TENM1: variants seen among roughly 807,000 people sequenced by gnomAD.
TENM1 encodes teneurin transmembrane protein 1.
TENM1 carries 35 observed loss-of-function variants against 174.8 expected under a neutral mutation model. That is an observed-to-expected ratio of 0.20 (90% CI 0.15 to 0.27). The LOEUF (loss-of-function observed/expected upper bound fraction) is 0.27. TENM1 is among the 10% of genes least tolerant of loss of function. TENM1 has a pLI of 1.00. For missense variants in TENM1, 1,633 were observed against 2,130.1 expected (o/e 0.77, Z 4.59); for synonymous variants, 781 against 798.7 (o/e 0.98, Z 0.37).
chrX:124,641,718 A>G, intron 11 of TENM1, 73 bp downstream of exon 14: 1 of 1,017,711 alleles, frequency 9.8e-7, no homozygotes, highest in Non-Finnish European at 1.4e-6. Flanking sequence ...ATATTTTAAG[A>G]AACACTGCCT....
At chrX:124,499,671 A>T (rs1292596589) in intron 19 of TENM1, among the ~76,000 whole-genome samples, 2 of 112,112 alleles carry the variant, frequency 1.8e-5, no homozygotes, top group Non-Finnish European at 3.8e-5. Context: ...ATTTAATTGC[A>T]GTGTGGTCAA....
chrX:124,393,662 T>A (rs1159953168), intron 27 of TENM1, among the ~76,000 whole-genome samples: 1 of 111,982 alleles, frequency 8.9e-6, no homozygotes, highest in Admixed American at 9.5e-5. Flanking sequence ...ATAGTCTGAC[T>A]CACAAGAAGT....
chrX:124,565,266 TC>T (rs2048915943), intron 12 of TENM1, 108 bp downstream of exon 15: 1 of 520,590 alleles, frequency 1.9e-6, no homozygotes, highest in Non-Finnish European at 2.9e-6. Context: ...CTCCTTCTCC[TC>T]CCCTACTCCA....
At position 124,512,509 on chromosome X, in the gene TENM1, C is replaced by G. The variant is rs1366052897; in HGVS notation, c.3301+8008G>C. 2.7e-5 allele frequency among the ~76,000 whole-genome samples: 3 copies of G among 111,096 alleles called. No homozygotes were observed. In the East Asian group the frequency reaches 8.5e-4, roughly 32 times the overall value. On this transcript the variant is annotated intron_variant, in intron 18 of 31. Transcript: ENST00000422452. Reference sequence around the variant, plus strand: ...TGACTGTGACTTTTGTACTGGAACCCTGGGGATGATTTTACTCTTCTTCCA... The same window carrying G: ...TGACTGTGACTTTTGTACTGGAACCGTGGGGATGATTTTACTCTTCTTCCA...
At position 124,598,930 on chromosome X, in the gene TENM1, G is replaced by A. The variant is rs2049968086; in HGVS notation, c.2078-33370C>T. 2.7e-5 allele frequency among the ~76,000 whole-genome samples: 3 copies of A among 112,030 alleles called. No individual in the cohort carries two copies. The South Asian group carries it at 1.1e-3, about 42-fold the overall frequency. ...TAATTGGATTGTTTGTAACACAAAAGATAAATGCTTGAGATAATGGATACC... is the reference window on the plus strand; with the variant it reads ...TAATTGGATTGTTTGTAACACAAAAAATAAATGCTTGAGATAATGGATACC... On this transcript the variant is annotated intron_variant, in intron 11 of 31. Coordinates refer to ENST00000422452, the Ensembl canonical transcript of TENM1.
At chrX:125,037,274 GC>G in the TENM1 span, among the ~76,000 whole-genome samples, 2 of 110,085 alleles carry the variant, frequency 1.8e-5, no homozygotes, top group African/African-American at 3.3e-5. Flanking sequence ...TCTCATTGGT[GC>G]CCTCTATTTT....
intron 10 of TENM1, among the ~76,000 whole-genome samples, chrX:124,644,668 G>C (rs1031224072): frequency 2.7e-5 from 3 of 110,392 alleles, no homozygotes; most frequent in Admixed American, 9.8e-5. Context: ...TTCAGCATGA[G>C]GTATGTAAAA....
At chrX:124,880,738 A>G (rs1389916838) in intron 3 of TENM1, among the ~76,000 whole-genome samples, 1 of 111,370 alleles carries the variant, frequency 9.0e-6, no homozygotes, top group Non-Finnish European at 1.9e-5. Context: ...ATTTTTTATC[A>G]TGAGGGGAAT....
chrX:124,672,957 AT>A (rs1300032686), intron 5 of TENM1, among the ~76,000 whole-genome samples: 4 of 111,594 alleles, frequency 3.6e-5, no homozygotes, highest in African/African-American at 1.3e-4. Flanking sequence ...GAGAATTTTT[AT>A]TTTTTTTATG....
At chrX:124,787,280 T>G (rs887734516) in intron 3 of TENM1, among the ~76,000 whole-genome samples, 6 of 111,679 alleles carry the variant, frequency 5.4e-5, no homozygotes, top group Non-Finnish European at 1.1e-4. Context: ...TTAATAACAA[T>G]GTATCTCCAG....
At chrX:125,168,717 C>G in the TENM1 span, among the ~76,000 whole-genome samples, 1 of 110,800 alleles carries the variant, frequency 9.0e-6, no homozygotes, top group African/African-American at 3.3e-5. Flanking sequence ...AAGAAACAAA[C>G]TGCCATGAAT....
intron 22 of TENM1, among the ~76,000 whole-genome samples, chrX:124,456,506 A>T (rs183334219): frequency 1.5e-4 from 17 of 112,053 alleles, no homozygotes; most frequent in African/African-American, 5.5e-4. Flanking sequence ...AGGGGTATTT[A>T]ATTTTCACTG....
intron 6 of TENM1, among the ~76,000 whole-genome samples, chrX:124,658,742 A>G (rs1444603173): frequency 8.9e-6 from 1 of 112,209 alleles, no homozygotes; most frequent in African/African-American, 3.2e-5. Context: ...TTATGTCCAA[A>G]CACCAAAAGA....
intron 8 of TENM1, among the ~76,000 whole-genome samples, chrX:124,647,757 G>GTT (rs1262666072): frequency 2.0e-3 from 216 of 105,840 alleles, no homozygotes; most frequent in African/African-American, 6.7e-3. Context: ...GTGTGTGTTT[G>GTT]TGTGTGTGTG....
intron 23 of TENM1, among the ~76,000 whole-genome samples, chrX:124,451,821 G>A (rs985572473): frequency 1.8e-5 from 2 of 111,867 alleles, no homozygotes; most frequent in African/African-American, 6.5e-5. Context: ...CTAGCCATAT[G>A]GAGAAAGCTG....
chrX:124,630,046 G>A (rs7884675), intron 11 of TENM1, among the ~76,000 whole-genome samples: 13,939 of 111,616 alleles, frequency 0.12, 1,400 homozygotes, highest in African/African-American at 0.35. Context: ...GAACTAGGTG[G>A]CATCTAAAAT....
chrX:125,051,210 T>C, the TENM1 span, among the ~76,000 whole-genome samples: 1 of 111,525 alleles, frequency 9.0e-6, no homozygotes, highest in Non-Finnish European at 1.9e-5. Context: ...TACAAACAAA[T>C]GGAAGAACAT....
At chrX:124,440,917 T>A (rs929859762) in intron 23 of TENM1, among the ~76,000 whole-genome samples, 1 of 112,103 alleles carries the variant, frequency 8.9e-6, no homozygotes. Flanking sequence ...TCCTTCCACA[T>A]GCCTACCTAA....
At chrX:125,162,052 A>G in the TENM1 span, among the ~76,000 whole-genome samples, 1 of 112,090 alleles carries the variant, frequency 8.9e-6, no homozygotes, top group Non-Finnish European at 1.9e-5. Context: ...ATTTCTTAGC[A>G]CTTAAAAAGT....
Sources: gnomAD v4.1 joint callset for allele counts (sites outside exome capture counted in the v4.1 genomes callset) on GRCh38, gnomAD v4.1.1 for gene constraint, MANE v1.5 for transcripts, NCBI Gene and HGNC (gene_info 2026-07-23, HGNC 2026-07-21) for gene names.